The following CEMIP2 variants were observed in gnomAD, a reference collection of about 807,000 sequenced individuals.
The protein encoded by CEMIP2 is cell migration inducing hyaluronidase 2.
CEMIP2 carries 79 observed loss-of-function variants against 146.9 expected under a neutral mutation model. The observed-to-expected ratio is 0.54, with a 90% CI of 0.45 to 0.65. CEMIP2 has a LOEUF of 0.65. Ranked by LOEUF, CEMIP2 falls within the 30% of genes least tolerant of loss-of-function variation. The pLI is 0.00. For synonymous variants in CEMIP2, 601 were observed against 606.3 expected, an observed-to-expected ratio of 0.99 and a Z score of 0.13; for missense variants, 1,596 against 1,696.2, an observed-to-expected ratio of 0.94 and a Z score of 1.04.
chr9:71,750,286 C>G lies in CEMIP2; in HGVS notation c.88G>C (p.Gly30Arg). The change falls in exon 2 of 24, where the codon GGG becomes CGG. Residue 30 changes from glycine to arginine, a missense_variant. Physicochemically the swap from Gly to Arg is moderately radical, Grantham distance 125 (BLOSUM62 -2). Transcript: ENST00000377044. Reference protein sequence around the residue: ...NSRHPSGYVPGKVVPLRPPPP... With the variant: ...NSRHPSGYVPRKVVPLRPPPP... ...GGGGGACGCAATGGGACAACCTTCC[C>G]TGGAACATAGCCAGATGGGTGACGA... The G allele has an allele frequency of 6.2e-7, 1 of 1,613,794 alleles. No individual in the cohort carries two copies. Among genetic ancestry groups the G allele is most frequent in the Non-Finnish European group, 8.5e-7 (1 of 1,179,998 alleles).
At chr9:71,708,190 A>C (rs1295443696) in intron 17 of CEMIP2, among the ~76,000 whole-genome samples, 1 of 152,146 alleles carries the variant, frequency 6.6e-6, no homozygotes, top group African/African-American at 2.4e-5. Flanking sequence ...CGTCTCAAAA[A>C]TAAATAAATA....
chr9:71,765,529 C>T (rs549400516), intron 1 of CEMIP2, among the ~76,000 whole-genome samples: 1 of 152,254 alleles, frequency 6.6e-6, no homozygotes, highest in South Asian at 2.1e-4. Flanking sequence ...ACTTCAAGTC[C>T]TCCAATCTTC....
At chr9:71,769,184 C>T (rs1421330976), upstream of CEMIP2, among the ~76,000 whole-genome samples, 1 of 152,200 alleles carries the variant, frequency 6.6e-6, no homozygotes, top group Non-Finnish European at 1.5e-5. Context: ...GCCTCCAGCA[C>T]CCCCAGATAA....
chr9:71,700,946 T>C (rs1822541957), intron 18 of CEMIP2, 122 bp from the exon 19 acceptor site: 2 of 903,792 alleles, frequency 2.2e-6, no homozygotes, highest in East Asian at 2.8e-5. Flanking sequence ...CATAGTTTTC[T>C]CCTCCTTAAA....
chr9:71,724,168 GC>G (rs1823318684), intron 11 of CEMIP2, among the ~76,000 whole-genome samples: 1 of 152,040 alleles, frequency 6.6e-6, no homozygotes, highest in South Asian at 2.1e-4. Context: ...GGTGGCAGAT[GC>G]CTGTAATCCA....
chr9:71,746,755 T>A (rs1478448689), intron 2 of CEMIP2, among the ~76,000 whole-genome samples: 2 of 152,032 alleles, frequency 1.3e-5, no homozygotes, highest in African/African-American at 4.8e-5. Flanking sequence ...AAAATGAAAA[T>A]TGCTAAATAA....
At chr9:71,756,427 ATT>A (rs1165688541) in intron 1 of CEMIP2, among the ~76,000 whole-genome samples, 1 of 147,974 alleles carries the variant, frequency 6.8e-6, no homozygotes, top group East Asian at 2.0e-4. Context: ...AATCAATTTG[ATT>A]TTGTCTAAGC....
At chr9:71,729,099 CAA>C (rs943877717) in intron 10 of CEMIP2, among the ~76,000 whole-genome samples, 3 of 151,962 alleles carry the variant, frequency 2.0e-5, no homozygotes, top group African/African-American at 7.2e-5. Context: ...CTCGGCCTCC[CAA>C]AGTGCTGGGA....
chr9:71,756,761 C>G (rs112280657), intron 1 of CEMIP2, among the ~76,000 whole-genome samples: 1 of 152,110 alleles, frequency 6.6e-6, no homozygotes, highest in South Asian at 2.1e-4. Flanking sequence ...GTATTATTAA[C>G]AACTGCAGGA....
chr9:71,706,860 C>T (rs1364338886), intron 17 of CEMIP2, among the ~76,000 whole-genome samples: 2 of 152,034 alleles, frequency 1.3e-5, no homozygotes, highest in African/African-American at 4.8e-5. Flanking sequence ...CAGAGTTTCG[C>T]TCTTGTTGCC....
chr9:71,755,963 A>AAAAC (rs1824426225), intron 1 of CEMIP2, among the ~76,000 whole-genome samples: 1 of 91,950 alleles, frequency 1.1e-5, no homozygotes, highest in South Asian at 5.1e-4. Flanking sequence ...CTGTCTCACA[A>AAAAC]AAAAAAAAAA....
intron 13 of CEMIP2, 29 bp downstream of exon 13, chr9:71,717,919 C>T (rs1355342426): frequency 6.3e-7 from 1 of 1,583,218 alleles, no homozygotes; most frequent in Non-Finnish European, 8.6e-7. Flanking sequence ...TCAGTGTCAT[C>T]ATATAATAAC....
rs758156320 is a variant in CEMIP2, at chr9:71,750,298, C to T, written c.76G>A (p.Gly26Ser). 3.5e-5 allele frequency: 57 copies of T among 1,613,844 alleles called. No individual in the cohort carries two copies. The highest frequency in any genetic ancestry group is 1.6e-4 in the Middle Eastern group (1 of 6,084). ...PQNGNSRHPS[G>S]YVPGKVVPLR... ...GGGACAACCTTCCCTGGAACATAGC[C>T]AGATGGGTGACGACTATTTCCATTC... is the stretch of plus-strand genomic sequence containing the variant. Residue 26 changes from glycine to serine, a missense_variant, in exon 2 of 24, where the codon GGC becomes AGC. Physicochemically the swap from Gly to Ser is moderately conservative, Grantham distance 56 (BLOSUM62 0). Transcript: ENST00000377044.
rs1251393838 is a variant in CEMIP2 at position 71,700,726 on chromosome 9, A to G, written c.3293T>C (p.Ile1098Thr). The change falls in exon 19 of 24, where the codon ATC becomes ACC. Residue 1098 changes from isoleucine (I) to threonine (T), a missense_variant. By Grantham distance (89) the Ile-to-Thr change is moderately conservative (BLOSUM62 -1). Transcript: ENST00000377044. ...LQRQNGSLSK[I>T]EEYEPVHSLE... ...TGAATGCACAGGCTCATATTCTTCG[A>G]TTTTGGATAATGAGCCATTCTGCCG... is the stretch of plus-strand genomic sequence containing the variant. 1 of 1,613,862 alleles carries G rather than the reference A, an allele frequency of 6.2e-7. No homozygotes were observed. The highest frequency in any genetic ancestry group is 2.2e-5 in the East Asian group (1 of 44,874).
At chr9:71,735,333 T>C (rs776740540) in intron 5 of CEMIP2, among the ~76,000 whole-genome samples, 1 of 152,074 alleles carries the variant, frequency 6.6e-6, no homozygotes, top group Non-Finnish European at 1.5e-5. Flanking sequence ...ACAACTGTTA[T>C]ACTGACCCCA....
At chr9:71,728,207 C>CTCTCTCTCTCTCTCTCTCTCTA (rs1462715030) in intron 10 of CEMIP2, among the ~76,000 whole-genome samples, 11 of 36,208 alleles carry the variant, frequency 3.0e-4, no homozygotes, top group African/African-American at 8.9e-4. Flanking sequence ...CTCTCTCTCT[C>CTCTCTCTCTCTCTCTCTCTCTA]TCTCTCTCTC....
intron 1 of CEMIP2, among the ~76,000 whole-genome samples, chr9:71,756,304 C>T (rs1306415277): frequency 6.8e-6 from 1 of 146,896 alleles, no homozygotes; most frequent in East Asian, 2.0e-4. Flanking sequence ...ATATACCTAG[C>T]ATATATATAT....
chr9:71,688,160 T>G (rs1208609410), intron 22 of CEMIP2, among the ~76,000 whole-genome samples: 2 of 152,258 alleles, frequency 1.3e-5, no homozygotes, highest in East Asian at 3.9e-4. Context: ...CCTGAACTCT[T>G]GGCCGGTATT....
At chr9:71,700,589 C>A (rs1481552129) in intron 19 of CEMIP2, 53 bp downstream of exon 19, 1 of 1,521,200 alleles carries the variant, frequency 6.6e-7, no homozygotes, top group East Asian at 2.3e-5. Flanking sequence ...CTAGCAATTT[C>A]ACCATTAAAG....
Sources: gnomAD v4.1 joint callset for allele counts (sites outside exome capture counted in the v4.1 genomes callset) on GRCh38, gnomAD v4.1.1 for gene constraint, MANE v1.5 for transcripts, NCBI Gene and HGNC (gene_info 2026-07-23, HGNC 2026-07-21) for gene names.